MTREX: variants seen among roughly 807,000 people sequenced by gnomAD.
MTREX encodes the protein exosome RNA helicase MTR4.
A neutral mutation model predicts 135.4 loss-of-function variants in MTREX; 76 were observed. The ratio of observed to expected loss-of-function variants is 0.56; its 90% CI spans 0.47 to 0.68. The LOEUF (loss-of-function observed/expected upper bound fraction) is 0.68, where lower values mean the gene tolerates loss of function less well. MTREX is among the 30% of genes least tolerant of loss of function. MTREX has a pLI of 0.00. For synonymous variants in MTREX, 404 were observed against 401.6 expected, an observed-to-expected ratio of 1.01 and a Z score of -0.07; for missense variants, 920 against 1,262.1, an observed-to-expected ratio of 0.73 and a Z score of 4.11.
At chr5:55,324,331 G>T in intron 3 of MTREX, 133 bp downstream of exon 3, 1 of 380,786 alleles carries the variant, frequency 2.6e-6, no homozygotes, top group Non-Finnish European at 4.9e-6. Flanking sequence ...GGGGTACCTA[G>T]TGGAAGAGTT....
intron 15 of MTREX, among the ~76,000 whole-genome samples, chr5:55,359,217 G>C (rs1219087265): frequency 1.3e-5 from 2 of 152,160 alleles, no homozygotes; most frequent in African/African-American, 2.4e-5. Flanking sequence ...TATTTTGCTT[G>C]CTTAGTATTT....
rs201555046 is a variant in MTREX at position 55,422,965 on chromosome 5, A to C, written c.3059A>C (p.Glu1020Ala). ...AAAGCCATTGGAAACACTGAGCTGGAAAATAAATTTGCAGAAGGTCAGTAT... is the reference window on the plus strand; with the variant it reads ...AAAGCCATTGGAAACACTGAGCTGGCAAATAAATTTGCAGAAGGTCAGTAT... ...AAKAIGNTELENKFAEGITKI... is the reference protein window; with the variant it reads ...AAKAIGNTELANKFAEGITKI... Residue 1020 changes from glutamate (E) to alanine (A), a missense_variant, in exon 26 of 27, where the codon GAA (glutamate) becomes GCA (alanine). By Grantham distance (107) the Glu-to-Ala change is moderately radical. Coordinates refer to ENST00000230640, the MANE Select transcript of MTREX (RefSeq NM_015360.5). The C allele has an allele frequency of 3.1e-6, 5 of 1,613,826 alleles. No homozygotes were observed. Among genetic ancestry groups the C allele is most frequent in the Admixed American group, 1.7e-5 (1 of 60,018 alleles).
At chr5:55,345,269 C>T in intron 10 of MTREX, 73 bp downstream of exon 10, 1 of 1,004,376 alleles carries the variant, frequency 1.0e-6, no homozygotes, top group East Asian at 2.6e-5. Context: ...TATTTTTTGT[C>T]TTAGTTTTTT....
intron 22 of MTREX, 123 bp downstream of exon 22, chr5:55,405,711 C>T: frequency 1.5e-6 from 1 of 669,176 alleles, no homozygotes. Context: ...GGCGCAATCT[C>T]AGCTCACTGC....
At chr5:55,350,024 A>G (rs1749801824) in intron 12 of MTREX, among the ~76,000 whole-genome samples, 1 of 152,210 alleles carries the variant, frequency 6.6e-6, no homozygotes, top group Admixed American at 6.5e-5. Flanking sequence ...TAACATACCT[A>G]CTTTGCCTTA....
intron 13 of MTREX, among the ~76,000 whole-genome samples, chr5:55,351,997 T>C (rs1453227298): frequency 2.0e-5 from 3 of 148,912 alleles, no homozygotes; most frequent in African/African-American, 7.6e-5. Flanking sequence ...AATTTTTTTT[T>C]CTTGTTTTTT....
At chr5:55,414,860 G>T (rs1431107251) in intron 24 of MTREX, among the ~76,000 whole-genome samples, 2 of 152,106 alleles carry the variant, frequency 1.3e-5, no homozygotes, top group Admixed American at 6.6e-5. Context: ...ATGTTGGCCA[G>T]GCTGGTCTCG....
At chr5:55,405,652 T>A in intron 22 of MTREX, 64 bp downstream of exon 22, 1 of 1,451,056 alleles carries the variant, frequency 6.9e-7, no homozygotes, top group Non-Finnish European at 9.3e-7. Context: ...TAATTTTTGT[T>A]TATTTTTTTT....
chr5:55,425,485 G>A lies in MTREX; in HGVS notation c.*713G>A. 1 of 680,174 alleles carries A rather than the reference G, an allele frequency of 1.5e-6. No individual in the cohort carries two copies. Among genetic ancestry groups the A allele is most frequent in the Non-Finnish European group, 2.2e-6 (1 of 452,816 alleles). The allele number at this position is 680,174 out of a possible 1,614,324, so 42.1% of individuals were successfully genotyped here. ...ATATAAAAAATTAGAGACTAACTGG[G>A]ATTTTTTAAAGATTATTCCAAATTA... On this transcript the variant is annotated 3_prime_UTR_variant, in exon 27 of 27. Transcript: ENST00000230640.
chr5:55,407,409 T>C (rs1175058755), intron 22 of MTREX, among the ~76,000 whole-genome samples: 3 of 152,374 alleles, frequency 2.0e-5, no homozygotes, highest in African/African-American at 7.2e-5. Flanking sequence ...GATTATTTCC[T>C]TCTAATAATT....
intron 13 of MTREX, among the ~76,000 whole-genome samples, chr5:55,352,362 A>G (rs574772784): frequency 1.4e-5 from 2 of 145,722 alleles, no homozygotes; most frequent in Admixed American, 1.4e-4. Flanking sequence ...TAGATTGTAT[A>G]TTTTGCTGAG....
intron 6 of MTREX, 90 bp downstream of exon 6, chr5:55,340,274 T>C: frequency 3.1e-6 from 3 of 983,272 alleles, no homozygotes; most frequent in Non-Finnish European, 4.3e-6. Flanking sequence ...TATTGGTTGC[T>C]CTACTTAGGT....
At chr5:55,345,664 A>ATTTT (rs553778793) in intron 10 of MTREX, among the ~76,000 whole-genome samples, 6 of 132,860 alleles carry the variant, frequency 4.5e-5, no homozygotes, top group East Asian at 2.1e-4. Context: ...GTTACTTTTA[A>ATTTT]TTTTTTTTTT....
In MTREX at chr5:55,416,081, G is replaced by A; in HGVS notation, c.2920G>A (p.Ala974Thr). 1 of 1,592,696 alleles carries A rather than the reference G, an allele frequency of 6.3e-7. No homozygotes were observed. The highest frequency in any genetic ancestry group is 8.5e-7 in the Non-Finnish European group (1 of 1,173,228). The change falls in exon 25 of 27, where the codon GCA becomes ACA. Residue 974 changes from alanine to threonine, a missense_variant. Around this residue, in one of 6 missense-constraint regions of MTREX, gnomAD observed 467 missense variants for 589.7 expected, o/e 0.79. Transcript: ENST00000230640. ...CTTAATGGATGTAGTATATACCTGGGCAACTGGAGCTACATTTGCCCATAT... is the reference window on the plus strand; with the variant it reads ...CTTAATGGATGTAGTATATACCTGGACAACTGGAGCTACATTTGCCCATAT... Reference protein sequence around the residue: ...PHLMDVVYTWATGATFAHICK... With the variant: ...PHLMDVVYTWTTGATFAHICK...
intron 5 of MTREX, 25 bp from the exon 6 acceptor site, chr5:55,339,985 T>G: frequency 2.1e-6 from 3 of 1,434,020 alleles, no homozygotes; most frequent in Non-Finnish European, 2.8e-6. Context: ...AAAAGTTGTA[T>G]GATTATTTGT....
intron 19 of MTREX, among the ~76,000 whole-genome samples, chr5:55,389,352 A>G (rs1246502724): frequency 6.6e-6 from 1 of 152,102 alleles, no homozygotes; most frequent in Admixed American, 6.5e-5. Context: ...AAGTCATAGC[A>G]CTCTTACACT....
chr5:55,405,640 T>G, intron 22 of MTREX, 52 bp downstream of exon 22: 1 of 1,493,830 alleles, frequency 6.7e-7, no homozygotes, highest in Non-Finnish European at 9.1e-7. Context: ...CATTTTTAAT[T>G]TTAATTTTTG....
chr5:55,396,866 TGAAAG>T (rs879423116), intron 19 of MTREX, among the ~76,000 whole-genome samples: 13 of 152,338 alleles, frequency 8.5e-5, no homozygotes, highest in East Asian at 1.9e-4. Context: ...CAAGAGCAGT[TGAAAG>T]GAAGCAAAAT....
chr5:55,316,408 A>G (rs1461344011), intron 1 of MTREX, among the ~76,000 whole-genome samples: 3 of 152,196 alleles, frequency 2.0e-5, no homozygotes, highest in Admixed American at 6.5e-5. Context: ...AACCAAATCC[A>G]GCAGCACATC....
Sources: allele counts gnomAD v4.1 joint callset (sites outside exome capture counted in the v4.1 genomes callset), GRCh38; gene constraint gnomAD v4.1.1; regional missense constraint gnomAD v4.1.1; transcripts MANE v1.5; gene names NCBI Gene and HGNC (gene_info 2026-07-23, HGNC 2026-07-21).